The following DMD variants were observed in gnomAD, a reference collection of about 807,000 sequenced individuals.
DMD encodes the protein mutant dystrophin.
DMD carries 63 observed loss-of-function variants against 330.1 expected under a neutral mutation model. That is an observed-to-expected ratio of 0.19 (90% CI 0.16 to 0.24). The LOEUF (loss-of-function observed/expected upper bound fraction) is 0.24, where lower values mean the gene tolerates loss of function less well. Ranked by LOEUF, DMD falls within the 10% of genes least tolerant of loss-of-function variation. The pLI, the probability that DMD is intolerant of heterozygous loss-of-function variation, is 1.00. For missense variants in DMD, 3,344 were observed against 2,684.1 expected, an observed-to-expected ratio of 1.25 and a Z score of -5.43; for synonymous variants, 1,223 against 959.8, an observed-to-expected ratio of 1.27 and a Z score of -5.07.
chrX:32,748,525 A>G (rs751404005), intron 7 of DMD, among the ~76,000 whole-genome samples: 74 of 111,547 alleles, frequency 6.6e-4, no homozygotes, highest in Admixed American at 2.5e-3. Flanking sequence ...TAATAATTAC[A>G]TCTACAGAAC....
At chrX:33,034,050 G>A (rs1257567725) in intron 1 of DMD, among the ~76,000 whole-genome samples, 1 of 110,889 alleles carries the variant, frequency 9.0e-6, no homozygotes, top group Non-Finnish European at 1.9e-5. Flanking sequence ...ATATACATAT[G>A]TATTCAGGTT....
At chrX:31,970,446 A>G (rs908535103) in intron 44 of DMD, among the ~76,000 whole-genome samples, 5 of 108,977 alleles carry the variant, frequency 4.6e-5, no homozygotes, top group African/African-American at 1.4e-4. Context: ...GCAAGTGATA[A>G]TTTGTTATAC....
At chrX:33,049,818 T>C (rs760277486) in intron 1 of DMD, among the ~76,000 whole-genome samples, 211 of 111,921 alleles carry the variant, frequency 1.9e-3, no homozygotes, top group Non-Finnish European at 2.8e-3. Flanking sequence ...TTCTGTTAAG[T>C]TCACTTAAAT....
intron 41 of DMD, among the ~76,000 whole-genome samples, chrX:32,336,993 G>A (rs896719803): frequency 1.8e-5 from 2 of 111,245 alleles, no homozygotes; most frequent in African/African-American, 6.5e-5. Flanking sequence ...GGCCTGATAT[G>A]ATCTCATTAA....
At position 32,390,086 on chromosome X, in the gene DMD, C is replaced by G; in HGVS notation, c.4329G>C (p.Gln1443His). ...GKEAAQRVLS[Q>H]IDVAQKKLQD... The stretch of plus-strand genomic sequence containing the variant: ...TAACATATACCTGTGCAACATCAAT[C>G]TGAGACAGGACTCTTTGGGCAGCCT... Residue 1443 changes from glutamine to histidine, a missense_variant, in exon 31 of 79, where the codon CAG (glutamine) becomes CAC (histidine). Gln to His is a conservative substitution (Grantham distance 24). Coordinates refer to ENST00000357033, the MANE Select transcript of DMD (RefSeq NM_004006.3). 1 of 1,207,454 alleles carries G rather than the reference C, an allele frequency of 8.3e-7. No homozygotes were observed. Among genetic ancestry groups the G allele is most frequent in the Non-Finnish European group, 1.1e-6 (1 of 891,644 alleles).
chrX:33,056,659 G>A (rs989799735), intron 1 of DMD, among the ~76,000 whole-genome samples: 1 of 110,459 alleles, frequency 9.1e-6, no homozygotes, highest in Non-Finnish European at 1.9e-5. Context: ...ACCGCGCCCC[G>A]GCCCCCCTGC....
At chrX:32,978,445 G>A (rs2092612758) in intron 2 of DMD, among the ~76,000 whole-genome samples, 1 of 111,825 alleles carries the variant, frequency 8.9e-6, no homozygotes, top group African/African-American at 3.3e-5. Flanking sequence ...TAGCAAAATA[G>A]CAAGCTCTTT....
chrX:32,936,781 G>A (rs1248315873), intron 2 of DMD, among the ~76,000 whole-genome samples: 2 of 111,583 alleles, frequency 1.8e-5, no homozygotes, highest in Non-Finnish European at 3.8e-5. Flanking sequence ...ATGTTACCTA[G>A]AACACTTGTG....
chrX:32,438,533 C>T (rs914708454), intron 28 of DMD, 143 bp from the exon 29 acceptor site: 6 of 699,481 alleles, frequency 8.6e-6, no homozygotes, highest in Non-Finnish European at 1.3e-5. Flanking sequence ...TTAAAAACAC[C>T]AAGGAGCATT....
intron 63 of DMD, among the ~76,000 whole-genome samples, chrX:31,241,039 A>G (rs995669556): frequency 9.0e-6 from 1 of 111,417 alleles, no homozygotes; most frequent in African/African-American, 3.3e-5. Context: ...AGCTCCAAAG[A>G]GGAGATGTAT....
chrX:32,937,216 G>A (rs748468660), intron 2 of DMD, among the ~76,000 whole-genome samples: 2 of 110,765 alleles, frequency 1.8e-5, no homozygotes, highest in Non-Finnish European at 3.8e-5. Context: ...AGAAATGCAA[G>A]AGAGAACTGT....
At chrX:31,213,753 C>T (rs1272994634) in intron 64 of DMD, among the ~76,000 whole-genome samples, 1 of 112,271 alleles carries the variant, frequency 8.9e-6, no homozygotes, top group African/African-American at 3.2e-5. Flanking sequence ...TTAACTTCCA[C>T]TGTCAGGGCA....
intron 51 of DMD, among the ~76,000 whole-genome samples, chrX:31,756,528 C>T (rs1435443488): frequency 1.8e-5 from 2 of 112,799 alleles, no homozygotes; most frequent in Non-Finnish European, 3.7e-5. Flanking sequence ...GCCAATAAAC[C>T]TGTGATAGAA....
At chrX:32,479,723 A>C (rs1450943967) in intron 21 of DMD, among the ~76,000 whole-genome samples, 7 of 109,811 alleles carry the variant, frequency 6.4e-5, no homozygotes, top group East Asian at 2.8e-4. Context: ...CAGTATATAT[A>C]TCTCTATATA....
chrX:32,655,357 C>T (rs1320410524), intron 9 of DMD, among the ~76,000 whole-genome samples: 1 of 112,250 alleles, frequency 8.9e-6, no homozygotes, highest in Non-Finnish European at 1.9e-5. Context: ...TCATTGGTTT[C>T]AAAGAACATC....
rs374751412 is a variant in DMD, at chrX:31,639,647, T to C, written c.8028-11785A>G. On this transcript the variant is annotated intron_variant, in intron 54 of 78. Coordinates refer to ENST00000357033, the MANE Select transcript of DMD (RefSeq NM_004006.3). ...TTATACTGCATTGATAGTCTCGTGATCTAAAAACTTCACTTGTGTTCCAGT... is the reference window on the plus strand; with the variant it reads ...TTATACTGCATTGATAGTCTCGTGACCTAAAAACTTCACTTGTGTTCCAGT... 7.8e-4 allele frequency among the ~76,000 whole-genome samples: 87 copies of C among 111,904 alleles called. No individual in the cohort carries two copies. In the East Asian group the frequency reaches 0.02, roughly 26 times the overall value.
At chrX:31,801,580 T>TC (rs761209143) in intron 50 of DMD, among the ~76,000 whole-genome samples, 4,814 of 64,588 alleles carry the variant, frequency 0.075, 194 homozygotes, top group Admixed American at 0.15. Flanking sequence ...AGTGTCCTCA[T>TC]CCCCCCCCCC....
At chrX:32,894,684 G>A (rs762170812) in intron 2 of DMD, among the ~76,000 whole-genome samples, 14 of 112,323 alleles carry the variant, frequency 1.2e-4, no homozygotes, top group African/African-American at 4.5e-4. Flanking sequence ...CCCAGATTCC[G>A]TAGCTCGGAA....
chrX:32,305,641 G>C (rs190137618), intron 42 of DMD, among the ~76,000 whole-genome samples: 47 of 111,360 alleles, frequency 4.2e-4, no homozygotes, highest in African/African-American at 1.4e-3. Flanking sequence ...CAACCCAGAA[G>C]CCAGTGTGAT....
Sources: gnomAD v4.1 joint callset for allele counts (sites outside exome capture counted in the v4.1 genomes callset) on GRCh38, gnomAD v4.1.1 for gene constraint, MANE v1.5 for transcripts, NCBI Gene and HGNC (gene_info 2026-07-23, HGNC 2026-07-21) for gene names.